Variants in SMAD2 observed in about 807,000 individuals in gnomAD.
SMAD2 encodes the protein MAD homolog 2.
SMAD2 carries 8 observed loss-of-function variants against 64.4 expected under a neutral mutation model. The ratio of observed to expected loss-of-function variants is 0.12; its 90% CI spans 0.07 to 0.22. SMAD2 has a LOEUF of 0.22. SMAD2 is among the 10% of genes least tolerant of loss of function. The probability of loss-of-function intolerance (pLI) is 1.00; values close to 1 mark genes in which losing one functional copy is unlikely to be tolerated. For missense variants in SMAD2, 289 were observed against 561.2 expected, an observed-to-expected ratio of 0.51 and a Z score of 4.90; for synonymous variants, 203 against 195.8, an observed-to-expected ratio of 1.04 and a Z score of -0.31.
At chr18:47,898,762 G>A (rs1416703498) in intron 1 of SMAD2, among the ~76,000 whole-genome samples, 10 of 152,104 alleles carry the variant, frequency 6.6e-5, no homozygotes, top group African/African-American at 2.4e-4. Context: ...AATTGCAAGG[G>A]GGATTACAGG....
At chr18:47,878,719 A>G (rs1051165353) in intron 2 of SMAD2, among the ~76,000 whole-genome samples, 1 of 152,224 alleles carries the variant, frequency 6.6e-6, no homozygotes, top group Non-Finnish European at 1.5e-5. Context: ...ATTTATTCCA[A>G]CTTCTCAGAT....
At chr18:47,889,952 T>C (rs141706788) in intron 2 of SMAD2, among the ~76,000 whole-genome samples, 167 of 152,280 alleles carry the variant, frequency 1.1e-3, no homozygotes, top group African/African-American at 3.9e-3. Flanking sequence ...ATTACAGAAA[T>C]TGATTAATTT....
At chr18:47,842,343 C>G (rs906935810) in intron 10 of SMAD2, among the ~76,000 whole-genome samples, 3 of 152,054 alleles carry the variant, frequency 2.0e-5, no homozygotes, top group African/African-American at 7.2e-5. Flanking sequence ...AGATTGAGAC[C>G]ATCCTGGCCA....
intron 2 of SMAD2, among the ~76,000 whole-genome samples, chr18:47,892,824 G>C (rs989400960): frequency 6.6e-6 from 1 of 152,108 alleles, no homozygotes; most frequent in Non-Finnish European, 1.5e-5. Context: ...CATGGTCAGA[G>C]TACCACCTTA....
intron 2 of SMAD2, among the ~76,000 whole-genome samples, chr18:47,879,516 G>A (rs2144411780): frequency 6.6e-6 from 1 of 151,960 alleles, no homozygotes; most frequent in Middle Eastern, 3.4e-3. Context: ...GTGTGTGTGT[G>A]TGTGTGTGTG....
intron 2 of SMAD2, 79 bp from the exon 3 acceptor site, chr18:47,870,643 G>C: frequency 1.1e-6 from 1 of 931,832 alleles, no homozygotes; most frequent in South Asian, 1.3e-5. Context: ...GTAAAACATG[G>C]AGAATGTACA....
At chr18:47,924,739 A>T (rs2034696578) in intron 1 of SMAD2, among the ~76,000 whole-genome samples, 2 of 152,226 alleles carry the variant, frequency 1.3e-5, no homozygotes, top group South Asian at 4.1e-4. Context: ...CTGGGATTAC[A>T]GGCGTGAGCC....
chr18:47,868,640 C>T (rs980755809), intron 4 of SMAD2, among the ~76,000 whole-genome samples, 183 bp from the exon 5 acceptor site: 6 of 152,002 alleles, frequency 3.9e-5, no homozygotes, highest in African/African-American at 1.4e-4. Flanking sequence ...CTTAGGTAGT[C>T]TATTATCCAA....
At chr18:47,915,809 A>G (rs771147920) in intron 1 of SMAD2, among the ~76,000 whole-genome samples, 5 of 152,182 alleles carry the variant, frequency 3.3e-5, no homozygotes, top group African/African-American at 7.2e-5. Flanking sequence ...GTTCCTTTTC[A>G]GTCAATCCAC....
intron 2 of SMAD2, among the ~76,000 whole-genome samples, chr18:47,885,436 G>C (rs866381089): frequency 2.1e-4 from 32 of 152,106 alleles, no homozygotes; most frequent in Non-Finnish European, 2.6e-4. Context: ...CCAAAGTGCT[G>C]GGATTAAAGG....
chr18:47,847,675 A>G (rs1914642538), intron 8 of SMAD2, among the ~76,000 whole-genome samples: 1 of 150,108 alleles, frequency 6.7e-6, no homozygotes, highest in Non-Finnish European at 1.5e-5. Flanking sequence ...ATTTTTGTCT[A>G]TGAAAAACAA....
intron 1 of SMAD2, among the ~76,000 whole-genome samples, chr18:47,902,951 T>C (rs550798869): frequency 1.3e-5 from 2 of 152,250 alleles, no homozygotes; most frequent in South Asian, 4.1e-4. Context: ...ACAGAGCAAG[T>C]GTGCATCCAC....
In SMAD2 at chr18:47,814,261, C is replaced by T. The variant is rs1170261451; in HGVS notation, c.*27566G>A. The stretch of plus-strand genomic sequence containing the variant: ...AAGGAGAGGGTGTGTACTAGAGTAA[C>T]AGCACAGTTGCTACTCAGCTGTGAA... On this transcript the variant is annotated 3_prime_UTR_variant, in exon 11 of 11. Coordinates refer to ENST00000262160, the MANE Select transcript of SMAD2 (RefSeq NM_005901.6). The T allele has an allele frequency of 4.6e-5, 7 of 152,128 alleles. No homozygotes were observed. Among genetic ancestry groups the T allele is most frequent in the Admixed American group, 3.3e-4 (5 of 15,266 alleles). 9.4% of individuals were successfully genotyped at this position (152,128 alleles called of 1,614,324 possible).
chr18:47,826,151 T>C lies in SMAD2; in HGVS notation c.*15676A>G, dbSNP rs1912746323. The C allele has an allele frequency of 6.6e-6, 1 of 152,256 alleles. No homozygotes were observed. Among genetic ancestry groups the C allele is most frequent in the Non-Finnish European group, 1.5e-5 (1 of 68,040 alleles). 9.4% of individuals were successfully genotyped at this position (152,256 alleles called of 1,614,324 possible). On this transcript the variant is annotated 3_prime_UTR_variant, in exon 11 of 11. Transcript: ENST00000262160. Reference sequence around the variant, plus strand: ...TTGCTTTTGTCTTCCTTATGTATATTAGATTAGGCTTCTACTCAATGCTCT... The same window carrying C: ...TTGCTTTTGTCTTCCTTATGTATATCAGATTAGGCTTCTACTCAATGCTCT...
At position 47,822,555 on chromosome 18, in the gene SMAD2, T is replaced by C. The variant is rs150164521; in HGVS notation, c.*19272A>G. The C allele has an allele frequency of 1.4e-4, 21 of 152,380 alleles. No homozygotes were observed. Among genetic ancestry groups the C allele is most frequent in the Non-Finnish European group, 2.5e-4 (17 of 68,042 alleles). The allele number at this position is 152,380 out of a possible 1,614,324, so 9.4% of individuals were successfully genotyped here. The stretch of plus-strand genomic sequence containing the variant: ...TTACTTAAATGTTTTGTTTTCCATA[T>C]TTAAAGAAATTCTCTCATGCTATCT... On this transcript the variant is annotated 3_prime_UTR_variant, in exon 11 of 11. Coordinates refer to ENST00000262160, the MANE Select transcript of SMAD2 (RefSeq NM_005901.6).
intron 1 of SMAD2, among the ~76,000 whole-genome samples, chr18:47,918,877 A>G (rs953352552): frequency 2.6e-5 from 4 of 152,188 alleles, no homozygotes; most frequent in African/African-American, 4.8e-5. Context: ...CAGAGGTCCA[A>G]TGTCCCAACA....
Position 47,821,367 on chromosome 18 carries a change from A to G in SMAD2, c.*20460T>C, listed in dbSNP as rs957815335. ...TCCTCTGGTTCTAACTCTTGCTGTT[A>G]TAACTTGATACTGAAATGTTCTGTA... On this transcript the variant is annotated 3_prime_UTR_variant, in exon 11 of 11. Coordinates refer to ENST00000262160, the MANE Select transcript of SMAD2 (RefSeq NM_005901.6). 6.6e-5 allele frequency: 10 copies of G among 152,188 alleles called. No homozygotes were observed. Among genetic ancestry groups the G allele is most frequent in the African/African-American group, 2.4e-4 (10 of 41,446 alleles). 9.4% of individuals were successfully genotyped at this position (152,188 alleles called of 1,614,324 possible).
chr18:47,883,048 C>A (rs1454609105), intron 2 of SMAD2, among the ~76,000 whole-genome samples: 1 of 152,150 alleles, frequency 6.6e-6, no homozygotes, highest in African/African-American at 2.4e-5. Context: ...AAAGAACTCG[C>A]TTTTGGCTTT....
chr18:47,871,298 T>C (rs2031918568), intron 2 of SMAD2, among the ~76,000 whole-genome samples: 1 of 152,228 alleles, frequency 6.6e-6, no homozygotes, highest in Non-Finnish European at 1.5e-5. Context: ...AAGTACTAAG[T>C]TGTACTTTTC....
Sources: gnomAD v4.1 joint callset for allele counts (sites outside exome capture counted in the v4.1 genomes callset) on GRCh38, gnomAD v4.1.1 for gene constraint, MANE v1.5 for transcripts, NCBI Gene and HGNC (gene_info 2026-07-23, HGNC 2026-07-21) for gene names.